Variants in NELL1 observed in about 807,000 individuals in gnomAD.
NELL1 encodes protein kinase C-binding protein NELL1.
A neutral mutation model predicts 107.4 loss-of-function variants in NELL1; 76 were observed. That is an observed-to-expected ratio of 0.71 (90% confidence interval 0.59 to 0.86). The LOEUF is 0.86. Ranked by LOEUF, NELL1 falls within the 40% of genes least tolerant of loss-of-function variation. The pLI is 0.00. For synonymous variants in NELL1, 353 were observed against 341.2 expected, an observed-to-expected ratio of 1.03 and a Z score of -0.38; for missense variants, 1,024 against 1,005.5, an observed-to-expected ratio of 1.02 and a Z score of -0.25.
chr11:21,452,310 T>G (rs1427348138), intron 15 of NELL1, among the ~76,000 whole-genome samples: 2 of 152,182 alleles, frequency 1.3e-5, no homozygotes, highest in African/African-American at 4.8e-5. Context: ...CATCCTTTCA[T>G]GTATTTTGCC....
chr11:20,823,756 A>G, intron 3 of NELL1, among the ~76,000 whole-genome samples: 1 of 151,014 alleles, frequency 6.6e-6, no homozygotes. Flanking sequence ...CCCTCTCTCA[A>G]AAAGGCCATA....
intron 12 of NELL1, among the ~76,000 whole-genome samples, chr11:20,990,510 T>C (rs1463040121): frequency 1.3e-5 from 2 of 152,232 alleles, no homozygotes; most frequent in Non-Finnish European, 2.9e-5. Context: ...TTGTCATTTT[T>C]CTGCCATTTT....
chr11:20,702,162 GT>G, intron 2 of NELL1, among the ~76,000 whole-genome samples: 1 of 152,086 alleles, frequency 6.6e-6, no homozygotes, highest in Admixed American at 6.6e-5. Flanking sequence ...TCTTCCATTT[GT>G]TTGTGTCCTC....
At chr11:20,981,354 G>A (rs192455659) in intron 12 of NELL1, among the ~76,000 whole-genome samples, 2 of 152,060 alleles carry the variant, frequency 1.3e-5, no homozygotes, top group Non-Finnish European at 2.9e-5. Flanking sequence ...GGTATCTCAG[G>A]CCCCATCAAA....
rs146505378 is a variant in NELL1, at chr11:20,902,052, G to A, written c.604-16130G>A. On this transcript the variant is annotated intron_variant, in intron 5 of 19. Transcript: ENST00000357134. ...TTAAATACCTAACTGAAAGCTCAAT[G>A]TTGAAAGGTTTAGAAGACAACATAA... Among the ~76,000 whole-genome samples the A allele has an allele frequency of 4.7e-3, 715 of 152,130 alleles. 1 individual carries two copies. The highest frequency in any genetic ancestry group is 0.016 in the African/African-American group (681 of 41,522).
At chr11:20,981,848 T>C (rs1174047928) in intron 12 of NELL1, among the ~76,000 whole-genome samples, 1 of 152,148 alleles carries the variant, frequency 6.6e-6, no homozygotes, top group African/African-American at 2.4e-5. Flanking sequence ...AGAGAAAATA[T>C]ATGGCTTCAA....
intron 12 of NELL1, among the ~76,000 whole-genome samples, chr11:21,109,892 T>C (rs1307391631): frequency 6.6e-6 from 1 of 152,152 alleles, no homozygotes; most frequent in African/African-American, 2.4e-5. Flanking sequence ...TGAAACTGTC[T>C]TCTGGGTTGT....
chr11:21,081,390 T>A (rs1455714674), intron 12 of NELL1, among the ~76,000 whole-genome samples: 1 of 152,166 alleles, frequency 6.6e-6, no homozygotes, highest in African/African-American at 2.4e-5. Context: ...TTTCCTTTTT[T>A]TCCCCCCTAT....
chr11:21,234,827 G>A (rs1163846842), intron 14 of NELL1, among the ~76,000 whole-genome samples: 2 of 152,152 alleles, frequency 1.3e-5, no homozygotes, highest in African/African-American at 2.4e-5. Context: ...TGCTAAAGAT[G>A]TAAACAATCC....
rs371067536 is a variant in NELL1, at chr11:21,483,667, A to C, written c.1646-50707A>C. 1.6e-3 allele frequency among the ~76,000 whole-genome samples: 250 copies of C among 151,954 alleles called. 9 individuals are homozygous for C. In the South Asian group the frequency reaches 0.051, roughly 31 times the overall value. ...AGAGGATGCCTAGAAAATAGTGTGA[A>C]ATATAAACAAATATTTTTATATAAA... On this transcript the variant is annotated intron_variant, in intron 15 of 19. Transcript: ENST00000357134.
chr11:20,954,382 A>T (rs79507335), intron 11 of NELL1, among the ~76,000 whole-genome samples: 1 of 152,206 alleles, frequency 6.6e-6, no homozygotes, highest in Non-Finnish European at 1.5e-5. Context: ...GCTCCTATCA[A>T]GTTTCTACCT....
intron 14 of NELL1, among the ~76,000 whole-genome samples, chr11:21,280,409 C>T (rs1848967077): frequency 6.6e-6 from 1 of 152,162 alleles, no homozygotes; most frequent in Non-Finnish European, 1.5e-5. Context: ...TAACTTCATA[C>T]CACTGAAAGA....
intron 15 of NELL1, among the ~76,000 whole-genome samples, chr11:21,459,294 C>T (rs1853836346): frequency 1.4e-5 from 2 of 142,162 alleles, no homozygotes; most frequent in East Asian, 2.1e-4. Context: ...AGTAACCTGC[C>T]ATGGTTCAGG....
intron 4 of NELL1, among the ~76,000 whole-genome samples, chr11:20,859,153 T>A (rs1356287328): frequency 6.6e-6 from 1 of 152,150 alleles, no homozygotes; most frequent in East Asian, 1.9e-4. Flanking sequence ...GCACCACCCT[T>A]CCAACAGCAG....
intron 14 of NELL1, among the ~76,000 whole-genome samples, chr11:21,327,373 G>A (rs771643626): frequency 6.6e-6 from 1 of 152,018 alleles, no homozygotes; most frequent in Non-Finnish European, 1.5e-5. Flanking sequence ...TTTATAAGGG[G>A]CTTTTCCCCA....
Position 20,927,356 on chromosome 11 carries a change from G to C in NELL1, c.808G>C (p.Glu270Gln). Residue 270 changes from glutamate to glutamine, a missense_variant, in exon 8 of 20, where the codon GAG becomes CAG. Coordinates refer to ENST00000357134, the MANE Select transcript of NELL1 (RefSeq NM_006157.5). ...RLSQLENCHC[E>Q]KTCQVSGLLY... ...TAGTCAATTGGAAAACTGTCATTGT[G>C]AGAAGACTTGTCAAGTGAGTGGACT... 1 of 1,613,222 alleles carries C rather than the reference G, an allele frequency of 6.2e-7. No individual in the cohort carries two copies. The highest frequency in any genetic ancestry group is 8.5e-7 in the Non-Finnish European group (1 of 1,179,660).
At chr11:21,188,181 A>G (rs764848370) in intron 13 of NELL1, among the ~76,000 whole-genome samples, 60 of 152,026 alleles carry the variant, frequency 3.9e-4, no homozygotes, top group Non-Finnish European at 5.6e-4. Context: ...GTAAATGAAT[A>G]CATTTTTTGC....
intron 2 of NELL1, among the ~76,000 whole-genome samples, chr11:20,750,231 A>G (rs1173395735): frequency 2.0e-5 from 3 of 152,032 alleles, no homozygotes; most frequent in African/African-American, 4.8e-5. Context: ...TTTTATTCCT[A>G]TGTCTCAGTG....
rs1855590939 is a variant in NELL1, at chr11:21,130,494, G to A, written c.1426+16780G>A. The stretch of plus-strand genomic sequence containing the variant: ...AGCATTTAGGAAATTCAGTACCCAT[G>A]TCCCATGTCTGATAACAAGGCCTCC... On this transcript the variant is annotated intron_variant, in intron 13 of 19. Transcript: ENST00000357134. 2.0e-5 allele frequency among the ~76,000 whole-genome samples: 3 copies of A among 152,180 alleles called. No individual in the cohort carries two copies. In the South Asian group the frequency reaches 6.2e-4, roughly 32 times the overall value.
Sources: gnomAD v4.1 joint callset for allele counts (sites outside exome capture counted in the v4.1 genomes callset) on GRCh38, gnomAD v4.1.1 for gene constraint, MANE v1.5 for transcripts, NCBI Gene and HGNC (gene_info 2026-07-23, HGNC 2026-07-21) for gene names.